Variants in PIAS2 observed in about 807,000 individuals in gnomAD.
The protein encoded by PIAS2 is protein inhibitor of activated STAT 2.
A neutral mutation model predicts 69.7 loss-of-function variants in PIAS2; 19 were observed. The observed-to-expected ratio is 0.27, with a 90% CI of 0.19 to 0.40. The LOEUF (loss-of-function observed/expected upper bound fraction) is 0.40, where lower values mean the gene tolerates loss of function less well. Ranked by LOEUF, PIAS2 falls within the 10% of genes least tolerant of loss-of-function variation. PIAS2 has a pLI of 1.00. For missense variants in PIAS2, 624 were observed against 757.0 expected (o/e 0.82, Z 2.06); for synonymous variants, 261 against 263.2 (o/e 0.99, Z 0.08).
At position 46,808,183 on chromosome 18, in the gene PIAS2, A is replaced by G. The variant is rs2040803435; in HGVS notation, c.*4250T>C. 1 of 152,254 alleles carries G rather than the reference A, an allele frequency of 6.6e-6. No homozygotes were observed. Among genetic ancestry groups the G allele is most frequent in the Non-Finnish European group, 1.5e-5 (1 of 68,048 alleles). 9.4% of individuals were successfully genotyped at this position (152,254 alleles called of 1,614,324 possible). A position where few individuals can be genotyped will look rare whatever the true frequency, so the allele number is the denominator to read the frequency against. ...GGGGAAAAACCCCAAGATATAAATT[A>G]CACTGAGAATGATGAAACTAAGTAA... On this transcript the variant is annotated 3_prime_UTR_variant, in exon 14 of 14. Transcript: ENST00000585916.
At position 46,865,262 on chromosome 18, in the gene PIAS2, G is replaced by A. The variant is rs550831729; in HGVS notation, c.500-1014C>T. Among the ~76,000 whole-genome samples, 59 of 152,160 alleles carry A rather than the reference G, an allele frequency of 3.9e-4. No individual in the cohort carries two copies. The South Asian group carries it at 8.5e-3, about 22-fold the overall frequency. On this transcript the variant is annotated intron_variant, in intron 2 of 13. Transcript: ENST00000585916. Reference sequence around the variant, plus strand: ...ACCCAAGTAAAGGCAAAATGAGGCCGGGCACAGTGGCTCACACGTGTAATC... The same window carrying A: ...ACCCAAGTAAAGGCAAAATGAGGCCAGGCACAGTGGCTCACACGTGTAATC...
chr18:46,880,382 C>T (rs2052020287), intron 2 of PIAS2, among the ~76,000 whole-genome samples: 1 of 151,874 alleles, frequency 6.6e-6, no homozygotes, highest in Non-Finnish European at 1.5e-5. Flanking sequence ...GAGACCCTGT[C>T]TCAAAAAAAA....
chr18:46,813,423 A>G (rs2041180861), intron 13 of PIAS2, among the ~76,000 whole-genome samples: 1 of 152,180 alleles, frequency 6.6e-6, no homozygotes, highest in Non-Finnish European at 1.5e-5. Context: ...GTGAAGAGAG[A>G]CAAGCCAAAA....
In PIAS2 at chr18:46,843,175, T is replaced by A. The variant is rs570226744; in HGVS notation, c.1041+879A>T. ...TCTTCATCTACAAAATGAAGACAAC[T>A]CCTCCACACAGGTTTGCTAAGACAG... On this transcript the variant is annotated intron_variant, in intron 8 of 13. Transcript: ENST00000585916. 3.9e-5 allele frequency among the ~76,000 whole-genome samples: 6 copies of A among 152,286 alleles called. No homozygotes were observed. The East Asian group carries it at 1.2e-3, about 29-fold the overall frequency.
intron 2 of PIAS2, among the ~76,000 whole-genome samples, chr18:46,868,862 T>A (rs979590049): frequency 1.4e-4 from 22 of 152,174 alleles, no homozygotes; most frequent in Non-Finnish European, 2.4e-4. Context: ...CCTGCCTCAC[T>A]GTGGTGGCCT....
intron 1 of PIAS2, among the ~76,000 whole-genome samples, chr18:46,914,511 A>AAT (rs1392250815): frequency 6.6e-5 from 10 of 152,138 alleles, no homozygotes; most frequent in African/African-American, 2.2e-4. Flanking sequence ...CAAAACTGAA[A>AAT]TAGTCAGGCG....
intron 1 of PIAS2, chr18:46,907,594 A>G (rs1293247800): frequency 1.3e-5 from 2 of 152,242 alleles, no homozygotes; most frequent in Non-Finnish European, 2.9e-5. Flanking sequence ...TGAATATTGA[A>G]TAACAATAAC....
intron 2 of PIAS2, among the ~76,000 whole-genome samples, chr18:46,875,793 G>A (rs995781250): frequency 7.2e-5 from 11 of 152,204 alleles, no homozygotes; most frequent in Admixed American, 3.3e-4. Flanking sequence ...TGTGCGCACC[G>A]CAGGCCAGAG....
At chr18:46,889,185 T>C (rs2053672219) in intron 2 of PIAS2, among the ~76,000 whole-genome samples, 1 of 152,194 alleles carries the variant, frequency 6.6e-6, no homozygotes, top group South Asian at 2.1e-4. Context: ...CAATGATTTC[T>C]TGGATATGAC....
chr18:46,809,840 T>G lies in PIAS2; in HGVS notation c.*2593A>C, dbSNP rs1273029922. On this transcript the variant is annotated 3_prime_UTR_variant, in exon 14 of 14. Transcript: ENST00000585916. ...ATATTCCAGACAATCACTGGTTGGC[T>G]GACAGAATCTAGGTGACAGCTAAGA... 1 of 152,094 alleles carries G rather than the reference T, an allele frequency of 6.6e-6. No individual in the cohort carries two copies. The highest frequency in any genetic ancestry group is 1.9e-4 in the East Asian group (1 of 5,182). 9.4% of individuals were successfully genotyped at this position (152,094 alleles called of 1,614,324 possible).
chr18:46,870,031 G>A (rs191139694), intron 2 of PIAS2, among the ~76,000 whole-genome samples: 3 of 152,018 alleles, frequency 2.0e-5, no homozygotes, highest in East Asian at 3.9e-4. Context: ...CCCACCCCAA[G>A]CAGGTGCACA....
At position 46,807,861 on chromosome 18, in the gene PIAS2, C is replaced by T. The variant is rs1486805966; in HGVS notation, c.*4572G>A. On this transcript the variant is annotated 3_prime_UTR_variant, in exon 14 of 14. Coordinates refer to ENST00000585916, the MANE Select transcript of PIAS2 (RefSeq NM_004671.5). ...TTCTTGGAAAATATGGCTAGACCAC[C>T]CTTCCCATACCATCTAGCTGCAGTA... 1 of 152,128 alleles carries T rather than the reference C, an allele frequency of 6.6e-6. No homozygotes were observed. The highest frequency in any genetic ancestry group is 1.5e-5 in the Non-Finnish European group (1 of 68,024). The allele number at this position is 152,128 out of a possible 1,614,324, so 9.4% of individuals were successfully genotyped here.
chr18:46,897,289 TGCAGGTCTGGG>T (rs1031070873), intron 1 of PIAS2, among the ~76,000 whole-genome samples: 5 of 152,230 alleles, frequency 3.3e-5, no homozygotes, highest in Admixed American at 6.5e-5. Context: ...AATGGCTGAC[TGCAGGTCTGGG>T]GCAGGAAATG....
At chr18:46,876,990 G>A (rs1310433505) in intron 2 of PIAS2, among the ~76,000 whole-genome samples, 2 of 152,280 alleles carry the variant, frequency 1.3e-5, no homozygotes. Context: ...GTGAGCCACA[G>A]TGCCCGGCCT....
chr18:46,831,894 GAAAATGTC>G (rs2043678175), intron 9 of PIAS2, among the ~76,000 whole-genome samples: 1 of 152,114 alleles, frequency 6.6e-6, no homozygotes, highest in Non-Finnish European at 1.5e-5. Flanking sequence ...TTGAGTTAGG[GAAAATGTC>G]TTAAAATAAT....
Position 46,917,423 on chromosome 18 carries a change from G to GGCC in PIAS2, c.-81_-79dup, listed in dbSNP as rs1036211033. 2.1e-4 allele frequency: 293 copies of GGCC among 1,365,684 alleles called. 1 individual carries two copies. In the African/African-American group the frequency reaches 4.1e-3, roughly 19 times the overall value. The allele number at this position is 1,365,684 out of a possible 1,614,324, so 84.6% of individuals were successfully genotyped here. A position where few individuals can be genotyped will look rare whatever the true frequency, so the allele number is the denominator to read the frequency against. ...CCGCCAACGACGCTGCCGCCACCAC[G>GGCC]GCCGCCGCCGCCTCCAGCACCATCC... On this transcript the variant is annotated 5_prime_UTR_variant, in exon 1 of 14. Coordinates refer to ENST00000585916, the MANE Select transcript of PIAS2 (RefSeq NM_004671.5).
chr18:46,896,783 C>T (rs1441253390), intron 1 of PIAS2, among the ~76,000 whole-genome samples: 1 of 152,168 alleles, frequency 6.6e-6, no homozygotes, highest in African/African-American at 2.4e-5. Context: ...TCAATGTTTC[C>T]TGTGAGTGTA....
chr18:46,864,564 A>G (rs2049141494), intron 2 of PIAS2, among the ~76,000 whole-genome samples: 1 of 152,186 alleles, frequency 6.6e-6, no homozygotes, highest in African/African-American at 2.4e-5. Context: ...TGAGGTCGCA[A>G]GTTCGAGACC....
At chr18:46,837,646 T>G (rs964261238) in intron 8 of PIAS2, among the ~76,000 whole-genome samples, 1 of 152,220 alleles carries the variant, frequency 6.6e-6, no homozygotes, top group Non-Finnish European at 1.5e-5. Context: ...TTCAACATAC[T>G]TTTGATTAAC....
Sources: gnomAD v4.1 joint callset for allele counts (sites outside exome capture counted in the v4.1 genomes callset) on GRCh38, gnomAD v4.1.1 for gene constraint, MANE v1.5 for transcripts, NCBI Gene and HGNC (gene_info 2026-07-23, HGNC 2026-07-21) for gene names.